The following GALNT14 variants were observed in gnomAD, a reference collection of about 807,000 sequenced individuals.
GALNT14 encodes polypeptide N-acetylgalactosaminyltransferase 14.
GALNT14 carries 60 observed loss-of-function variants against 77.5 expected under a neutral mutation model. The ratio of observed to expected loss-of-function variants is 0.77; its 90% CI spans 0.63 to 0.96. The LOEUF is 0.96. Among genes scored for constraint, GALNT14 ranks in the 40% least tolerant of loss-of-function variants. The pLI is 0.00. For missense variants in GALNT14, 710 were observed against 731.0 expected, an observed-to-expected ratio of 0.97 and a Z score of 0.33; for synonymous variants, 280 against 281.7, an observed-to-expected ratio of 0.99 and a Z score of 0.06.
At chr2:30,900,854 C>G in the GALNT14 span, among the ~76,000 whole-genome samples, 2 of 152,192 alleles carry the variant, frequency 1.3e-5, no homozygotes, top group Non-Finnish European at 2.9e-5. Context: ...AAAATCACAG[C>G]CTCTTGGGTG....
intron 1 of GALNT14, among the ~76,000 whole-genome samples, chr2:31,123,376 C>T (rs1278447733): frequency 1.3e-5 from 2 of 152,092 alleles, no homozygotes; most frequent in Non-Finnish European, 2.9e-5. Context: ...GATCCATAGG[C>T]TACCTGGTCC....
intron 1 of GALNT14, among the ~76,000 whole-genome samples, chr2:31,046,020 T>C (rs1400255778): frequency 6.6e-6 from 1 of 152,142 alleles, no homozygotes; most frequent in African/African-American, 2.4e-5. Context: ...ATATTAAACT[T>C]CTATTGAACA....
chr2:30,952,282 A>G (rs570731950), intron 6 of GALNT14, among the ~76,000 whole-genome samples: 1 of 152,270 alleles, frequency 6.6e-6, no homozygotes, highest in African/African-American at 2.4e-5. Context: ...GATTCTATAA[A>G]TCATGCTGCT....
At chr2:31,042,744 G>A (rs947766076) in intron 1 of GALNT14, among the ~76,000 whole-genome samples, 4 of 151,990 alleles carry the variant, frequency 2.6e-5, no homozygotes, top group Non-Finnish European at 2.9e-5. Context: ...GACTCTTCTC[G>A]CCACCTCCGC....
At chr2:30,930,052 G>T (rs1295559287) in intron 10 of GALNT14, among the ~76,000 whole-genome samples, 2 of 152,180 alleles carry the variant, frequency 1.3e-5, no homozygotes, top group African/African-American at 4.8e-5. Context: ...TAGATTTTTG[G>T]ATTAGGGATG....
At chr2:30,922,997 G>A (rs1220854443) in intron 13 of GALNT14, among the ~76,000 whole-genome samples, 5 of 151,280 alleles carry the variant, frequency 3.3e-5, no homozygotes, top group East Asian at 1.9e-4. Context: ...ATGAATACCC[G>A]CCAGAAGGGT....
downstream of GALNT14, among the ~76,000 whole-genome samples, chr2:30,905,546 A>C (rs1256232031): frequency 6.6e-6 from 1 of 152,092 alleles, no homozygotes; most frequent in African/African-American, 2.4e-5. Context: ...AGCCTCCAAG[A>C]AATATGGGAC....
intron 1 of GALNT14, among the ~76,000 whole-genome samples, chr2:31,101,395 C>A (rs1359168025): frequency 6.6e-6 from 1 of 151,936 alleles, no homozygotes; most frequent in Non-Finnish European, 1.5e-5. Flanking sequence ...AAAAGTTATG[C>A]TTGTTTCTCT....
intron 2 of GALNT14, among the ~76,000 whole-genome samples, chr2:30,974,971 G>A (rs1172407880): frequency 6.6e-6 from 1 of 152,204 alleles, no homozygotes; most frequent in Non-Finnish European, 1.5e-5. Context: ...CAAGCTATGG[G>A]TGACACCCTC....
At chr2:31,026,220 A>C (rs1228673079) in intron 1 of GALNT14, among the ~76,000 whole-genome samples, 1 of 152,174 alleles carries the variant, frequency 6.6e-6, no homozygotes, top group African/African-American at 2.4e-5. Flanking sequence ...AGATCTGCAA[A>C]GGTCAGAGTG....
intron 1 of GALNT14, among the ~76,000 whole-genome samples, chr2:31,109,316 T>C (rs1230000064): frequency 6.6e-6 from 1 of 152,200 alleles, no homozygotes; most frequent in Non-Finnish European, 1.5e-5. Context: ...AACATTTCTC[T>C]GAATTGCCCA....
chr2:31,053,172 T>C (rs2148523357), intron 1 of GALNT14, among the ~76,000 whole-genome samples: 1 of 152,284 alleles, frequency 6.6e-6, no homozygotes, highest in Middle Eastern at 3.4e-3. Flanking sequence ...GTGCTGGTGT[T>C]CCACTGGGCA....
downstream of GALNT14, among the ~76,000 whole-genome samples, chr2:30,905,762 G>A (rs1164370986): frequency 1.3e-5 from 2 of 148,554 alleles, no homozygotes; most frequent in Admixed American, 1.3e-4. Flanking sequence ...ATAATTGTCA[G>A]ATTCACCAAA....
At chr2:30,982,004 G>C (rs147844681) in intron 2 of GALNT14, among the ~76,000 whole-genome samples, 10 of 152,286 alleles carry the variant, frequency 6.6e-5, no homozygotes, top group Middle Eastern at 3.4e-3. Flanking sequence ...GGTTACTGAG[G>C]GGGGAACTGA....
intron 3 of GALNT14, among the ~76,000 whole-genome samples, chr2:30,960,696 C>T (rs1219753397): frequency 1.3e-5 from 2 of 152,052 alleles, no homozygotes; most frequent in Non-Finnish European, 2.9e-5. Context: ...CCTAGCCTGG[C>T]CTAGGTGGTC....
chr2:30,998,250 C>T lies in GALNT14; in HGVS notation c.130-5243G>A, dbSNP rs1670159154. ...AAGTTGCTTAATTTCTCTCCTCCCA[C>T]CATGCTTCAAGGAGAAATCTTGAAT... is the stretch of plus-strand genomic sequence containing the variant. On this transcript the variant is annotated intron_variant, in intron 1 of 14. Transcript: ENST00000349752. 1.3e-5 allele frequency among the ~76,000 whole-genome samples: 2 copies of T among 152,164 alleles called. 1 individual carries two copies. Among genetic ancestry groups the T allele is most frequent in the South Asian group, 4.1e-4 (2 of 4,820 alleles).
At chr2:31,103,625 T>C (rs894841549) in intron 1 of GALNT14, among the ~76,000 whole-genome samples, 2 of 152,192 alleles carry the variant, frequency 1.3e-5, no homozygotes, top group African/African-American at 4.8e-5. Context: ...AGTATAATTA[T>C]GCTTATATTA....
At chr2:31,008,257 T>A (rs930112354) in intron 1 of GALNT14, among the ~76,000 whole-genome samples, 3 of 152,036 alleles carry the variant, frequency 2.0e-5, no homozygotes, top group African/African-American at 7.2e-5. Flanking sequence ...CCTGGCTGAT[T>A]TCTTTATTTT....
intron 1 of GALNT14, among the ~76,000 whole-genome samples, chr2:31,007,461 T>C (rs772992667): frequency 6.6e-5 from 10 of 152,334 alleles, no homozygotes; most frequent in East Asian, 1.9e-4. Flanking sequence ...ATCATTCTTG[T>C]CCATTCATCA....
Sources: allele counts gnomAD v4.1 joint callset (sites outside exome capture counted in the v4.1 genomes callset), GRCh38; gene constraint gnomAD v4.1.1; transcripts MANE v1.5; gene names NCBI Gene and HGNC (gene_info 2026-07-23, HGNC 2026-07-21).